Variants in ITPR3 observed in about 807,000 individuals in gnomAD.
ITPR3 encodes inositol 1,4,5-trisphosphate receptor type 3.
A neutral mutation model predicts 293.2 loss-of-function variants in ITPR3; 173 were observed. The observed-to-expected ratio is 0.59, with a 90% CI of 0.52 to 0.67. The LOEUF (loss-of-function observed/expected upper bound fraction) is 0.67, where lower values mean the gene tolerates loss of function less well. Ranked by LOEUF, ITPR3 falls within the 30% of genes least tolerant of loss-of-function variation. ITPR3 has a pLI of 0.00. For missense variants in ITPR3, 2,796 were observed against 3,592.1 expected, an observed-to-expected ratio of 0.78 and a Z score of 5.66; for synonymous variants, 1,295 against 1,444.4, an observed-to-expected ratio of 0.90 and a Z score of 2.35.
chr6:33,686,030 C>T, intron 41 of ITPR3, 23 bp from the exon 42 acceptor site: 1 of 1,612,938 alleles, frequency 6.2e-7, no homozygotes, highest in Non-Finnish European at 8.5e-7. Flanking sequence ...CTGTGCTGTG[C>T]CCAACCCTTC....
At position 33,624,540 on chromosome 6, in the gene ITPR3, A is replaced by T. The variant is rs996065747; in HGVS notation, c.89+2849A>T. Among the ~76,000 whole-genome samples, 3 of 152,174 alleles carry T rather than the reference A, an allele frequency of 2.0e-5. No homozygotes were observed. Among genetic ancestry groups the T allele is most frequent in the African/African-American group, 7.2e-5 (3 of 41,432 alleles). Reference sequence around the variant, plus strand: ...GGGACTGGTGCATTAAAGTGTGAGGAGCGTTGCTCTGAGTGATTTTCTCTC... The same window carrying T: ...GGGACTGGTGCATTAAAGTGTGAGGTGCGTTGCTCTGAGTGATTTTCTCTC... On this transcript the variant is annotated intron_variant, in intron 1 of 57. Coordinates refer to ENST00000605930, the MANE Select transcript of ITPR3 (RefSeq NM_002224.4). The surrounding 1 kb of genome is among the most constrained non-coding windows in gnomAD (Gnocchi z 4.7).
chr6:33,691,792 CG>C lies in ITPR3; in HGVS notation c.7331-8del, dbSNP rs1554140318. The C allele has an allele frequency of 6.2e-7, 1 of 1,613,906 alleles. No homozygotes were observed. Among genetic ancestry groups the C allele is most frequent in the Non-Finnish European group, 8.5e-7 (1 of 1,179,972 alleles). ...GCAGCCCGGGCCTCAGCACACTCTCCGCTTGCAGAGGACAGGGAGCTGGACA... is the reference window on the plus strand; with the variant it reads ...GCAGCCCGGGCCTCAGCACACTCTCCCTTGCAGAGGACAGGGAGCTGGACA... On this transcript the variant is annotated splice_region_variant and splice_polypyrimidine_tract_variant and intron_variant, in intron 53 of 57. Transcript: ENST00000605930. The surrounding 1 kb of genome is among the most constrained non-coding windows in gnomAD (Gnocchi z 4.9).
In ITPR3 at chr6:33,646,933, A is replaced by C. The variant is rs79918445; in HGVS notation, c.160+6379A>C. Among the ~76,000 whole-genome samples the C allele has an allele frequency of 3.4e-3, 525 of 152,300 alleles. 2 individuals are homozygous for C. Among genetic ancestry groups the C allele is most frequent in the African/African-American group, 0.012 (506 of 41,550 alleles). On this transcript the variant is annotated intron_variant, in intron 2 of 57. Transcript: ENST00000605930. ...TCCTGTCTCAAAAAAAAAGATGAAA[A>C]AAAGTATATTCATTTTAGTTGCATA...
At position 33,679,889 on chromosome 6, in the gene ITPR3, A is replaced by G; in HGVS notation, c.3980A>G (p.Asn1327Ser). 1.9e-6 allele frequency: 3 copies of G among 1,612,910 alleles called. No homozygotes were observed. The Admixed American group carries it at 5.0e-5, about 27-fold the overall frequency. The change falls in exon 31 of 58, where the codon AAT becomes AGT. Residue 1327 changes from asparagine (N) to serine (S), a missense_variant. This residue lies in a region of ITPR3 where 344 missense variants were observed against 460.3 expected (regional missense o/e 0.75). Coordinates refer to ENST00000605930, the MANE Select transcript of ITPR3 (RefSeq NM_002224.4). This position sits in a 1 kb window ranked among gnomAD's most constrained non-coding sequence, Gnocchi z 4.2. ...CQDMIMTELT[N>S]AGDDVVVFYN... Reference sequence around the variant, plus strand: ...GCCCCCTCCCACCCGCAGCTGACCAATGCAGGTGACGATGTGGTCGTGTTC... The same window carrying G: ...GCCCCCTCCCACCCGCAGCTGACCAGTGCAGGTGACGATGTGGTCGTGTTC...
chr6:33,647,966 C>T (rs1764105699), intron 2 of ITPR3, among the ~76,000 whole-genome samples: 1 of 152,136 alleles, frequency 6.6e-6, no homozygotes, highest in Non-Finnish European at 1.5e-5. Context: ...CCCTCACCAG[C>T]AATGTAATAA....
rs1365117630 is a variant in ITPR3, at chr6:33,684,267, C to T, written c.4938-90C>T. On this transcript the variant is annotated intron_variant, in intron 36 of 57. Coordinates refer to ENST00000605930, the MANE Select transcript of ITPR3 (RefSeq NM_002224.4). This position sits in a 1 kb window ranked among gnomAD's most constrained non-coding sequence, Gnocchi z 4.2. ...AGACAGGCTCACTGGGTCAGAGGGC[C>T]TGGGGGTGTTCCTGCCTGGGATGGG... 5 of 1,594,442 alleles carry T rather than the reference C, an allele frequency of 3.1e-6. No individual in the cohort carries two copies. The highest frequency in any genetic ancestry group is 4.3e-6 in the Non-Finnish European group (5 of 1,165,600).
In ITPR3 at chr6:33,621,403, C is replaced by A. The variant is rs1386056926; in HGVS notation, c.-200C>A. 5.7e-6 allele frequency: 2 copies of A among 353,188 alleles called. No homozygotes were observed. Among genetic ancestry groups the A allele is most frequent in the African/African-American group, 4.4e-5 (2 of 45,686 alleles). The allele number at this position is 353,188 out of a possible 1,614,324, so 21.9% of individuals were successfully genotyped here. A position where few individuals can be genotyped will look rare whatever the true frequency, so the allele number is the denominator to read the frequency against. On this transcript the variant is annotated 5_prime_UTR_variant, in exon 1 of 58. Coordinates refer to ENST00000605930, the MANE Select transcript of ITPR3 (RefSeq NM_002224.4). The surrounding 1 kb of genome is among the most constrained non-coding windows in gnomAD (Gnocchi z 7.7). ...CGGCGGGCGCGCCAAGACGTGGGCA[C>A]CTCCTCACCCGGACCCCGGGCCCCG...
chr6:33,673,233 T>C (rs747832465), intron 22 of ITPR3, among the ~76,000 whole-genome samples: 24 of 151,918 alleles, frequency 1.6e-4, no homozygotes, highest in Non-Finnish European at 2.9e-5. Flanking sequence ...AGGACAAGAG[T>C]CAGTTTTTGG....
intron 28 of ITPR3, among the ~76,000 whole-genome samples, 195 bp downstream of exon 28, chr6:33,677,824 C>T (rs1261786679): frequency 1.3e-5 from 2 of 152,144 alleles, no homozygotes; most frequent in African/African-American, 4.8e-5. Context: ...CCCTCTACCC[C>T]TCATCCTAAT....
chr6:33,668,006 T>C (rs762059326), intron 16 of ITPR3, 42 bp downstream of exon 16: 1 of 1,604,588 alleles, frequency 6.2e-7, no homozygotes, highest in Non-Finnish European at 8.5e-7. Context: ...TGCTCCTCCC[T>C]CCTCCCTTGC....
Position 33,654,862 on chromosome 6 carries a change from T to A in ITPR3, c.161-904T>A, listed in dbSNP as rs1348319274. Among the ~76,000 whole-genome samples, 2 of 152,120 alleles carry A rather than the reference T, an allele frequency of 1.3e-5. No individual in the cohort carries two copies. The highest frequency in any genetic ancestry group is 4.8e-5 in the African/African-American group (2 of 41,416). On this transcript the variant is annotated intron_variant, in intron 2 of 57. Transcript: ENST00000605930. The surrounding 1 kb of genome is among the most constrained non-coding windows in gnomAD (Gnocchi z 4.1). ...CCAGGCTATTGTCACACAGGCCCAG[T>A]CACCCACACCAGCCCCTCACCAGCA...
chr6:33,671,126 G>A lies in ITPR3; in HGVS notation c.2587-39G>A, dbSNP rs745738155. The A allele has an allele frequency of 3.1e-6, 5 of 1,609,774 alleles. No individual in the cohort carries two copies. In the South Asian group the frequency reaches 3.3e-5, roughly 11 times the overall value. ...CCACGAAGCCCCGCCCCTACGCGCC[G>A]GCCCCTCCCACCTCACCTCGGCCAC... On this transcript the variant is annotated intron_variant, in intron 20 of 57. Coordinates refer to ENST00000605930, the MANE Select transcript of ITPR3 (RefSeq NM_002224.4).
rs144864041 is a variant in ITPR3 at position 33,658,774 on chromosome 6, G to C, written c.474G>C (p.Glu158Asp). ...TGACTCTGGATGCCACAGGCAACGAGGGTTCCTGGCTCTTCATCCAGCCCT... is the reference window on the plus strand; with the variant it reads ...TGACTCTGGATGCCACAGGCAACGACGGTTCCTGGCTCTTCATCCAGCCCT... ...MRVTLDATGN[E>D]GSWLFIQPFW... is the part of the protein sequence containing the mutation. The change falls in exon 5 of 58, where the codon GAG becomes GAC. Residue 158 changes from glutamate to aspartate, a missense_variant. Physicochemically the swap from Glu to Asp is conservative, Grantham distance 45. This residue lies in a region of ITPR3 where 144 missense variants were observed against 230.8 expected (regional missense o/e 0.62). Transcript: ENST00000605930. This position sits in a 1 kb window ranked among gnomAD's most constrained non-coding sequence, Gnocchi z 6.1. 5 of 1,614,086 alleles carry C rather than the reference G, an allele frequency of 3.1e-6. No individual in the cohort carries two copies. In the African/African-American group the frequency reaches 5.3e-5, roughly 17 times the overall value.
At position 33,685,791 on chromosome 6, in the gene ITPR3, G is replaced by A. The variant is rs1765213970; in HGVS notation, c.5631G>A (p.Leu1877=). Residue 1877 remains leucine, a synonymous_variant, in exon 41 of 58, where the codon CTG becomes CTA. Coordinates refer to ENST00000605930, the MANE Select transcript of ITPR3 (RefSeq NM_002224.4). The part of the protein sequence containing the change: ...VLIMQPILRF[L]QLLCENHNRD... ...TCATGCAGCCCATCCTGCGCTTTCT[G>A]CAGCTGCTGTGTGAGAACCACAACC... 2 of 1,586,218 alleles carry A rather than the reference G, an allele frequency of 1.3e-6. No individual in the cohort carries two copies. Among genetic ancestry groups the A allele is most frequent in the Non-Finnish European group, 1.7e-6 (2 of 1,163,348 alleles).
In ITPR3 at chr6:33,669,126, C is replaced by A. The variant is rs1367878829; in HGVS notation, c.2159C>A (p.Ala720Asp). 1.2e-6 allele frequency: 2 copies of A among 1,613,936 alleles called. No individual in the cohort carries two copies. Among genetic ancestry groups the A allele is most frequent in the Non-Finnish European group, 8.5e-7 (1 of 1,179,994 alleles). Residue 720 changes from alanine (A) to aspartate (D), a missense_variant, in exon 18 of 58, where the codon GCC (alanine) becomes GAC (aspartate). Ala to Asp is a moderately radical substitution (Grantham distance 126, BLOSUM62 -2). This residue lies in a region of ITPR3 where 955 missense variants were observed against 1,180.8 expected (regional missense o/e 0.81). Transcript: ENST00000605930. ...GCCCAGGAGGCGCGGGCCGGCAACG[C>A]CCACGACGAGAATGTGCTCAGCTAC... ...QLAQEARAGN[A>D]HDENVLSYYR...
rs1763713794 is a variant in ITPR3 at position 33,632,813 on chromosome 6, A to G, written c.90-7671A>G. On this transcript the variant is annotated intron_variant, in intron 1 of 57. Transcript: ENST00000605930. This position sits in a 1 kb window ranked among gnomAD's most constrained non-coding sequence, Gnocchi z 4.1. ...GGCTGGTCCTGGAGGGGAGAAGGGG[A>G]CACACAGGTGTAGACAGGGCTCCTG... 1.3e-5 allele frequency among the ~76,000 whole-genome samples: 2 copies of G among 152,288 alleles called. No individual in the cohort carries two copies. The highest frequency in any genetic ancestry group is 2.9e-5 in the Non-Finnish European group (2 of 68,018).
At chr6:33,668,410 C>T in intron 16 of ITPR3, 105 bp from the exon 17 acceptor site, 1 of 1,464,524 alleles carries the variant, frequency 6.8e-7, no homozygotes, top group Non-Finnish European at 9.3e-7. Flanking sequence ...GGAGCTAGTT[C>T]CAGGGTGGCG....
chr6:33,656,637 G>A (rs1764312826), intron 3 of ITPR3, among the ~76,000 whole-genome samples: 1 of 152,104 alleles, frequency 6.6e-6, no homozygotes, highest in African/African-American at 2.4e-5. Flanking sequence ...TCGCTCATGA[G>A]CCCCTTGTGG....
At position 33,682,502 on chromosome 6, in the gene ITPR3, C is replaced by T. The variant is rs773910016; in HGVS notation, c.4477-22C>T. On this transcript the variant is annotated intron_variant, in intron 33 of 57. Coordinates refer to ENST00000605930, the MANE Select transcript of ITPR3 (RefSeq NM_002224.4). The surrounding 1 kb of genome is among the most constrained non-coding windows in gnomAD (Gnocchi z 5.4). The stretch of plus-strand genomic sequence containing the variant: ...AGGGTGGGGGCCTGGGCTGCAGCAG[C>T]GGGCTCTGTGACTTCTTGCAGACAC... 55 of 1,496,774 alleles carry T rather than the reference C, an allele frequency of 3.7e-5. No individual in the cohort carries two copies. Among genetic ancestry groups the T allele is most frequent in the East Asian group, 8.0e-5 (3 of 37,558 alleles). The allele number at this position is 1,496,774 out of a possible 1,614,324, so 92.7% of individuals were successfully genotyped here. A position where few individuals can be genotyped will look rare whatever the true frequency, so the allele number is the denominator to read the frequency against.
Sources: allele counts gnomAD v4.1 joint callset (sites outside exome capture counted in the v4.1 genomes callset), GRCh38; gene constraint gnomAD v4.1.1; regional missense constraint gnomAD v4.1.1; non-coding constraint Gnocchi (gnomAD v3.1); transcripts MANE v1.5; gene names NCBI Gene and HGNC (gene_info 2026-07-23, HGNC 2026-07-21).